TACR1: variants seen among roughly 807,000 people sequenced by gnomAD.
TACR1 encodes substance-P receptor.
Under a neutral mutation model 35.8 loss-of-function variants are expected in TACR1, and 25 were observed. The ratio of observed to expected loss-of-function variants is 0.70; its 90% CI spans 0.51 to 0.98. The LOEUF (loss-of-function observed/expected upper bound fraction) is 0.98, where lower values mean the gene tolerates loss of function less well. TACR1 is among the 50% of genes least tolerant of loss of function. TACR1 has a pLI of 0.00. For synonymous variants in TACR1, 195 were observed against 206.7 expected (o/e 0.94, Z 0.48); for missense variants, 478 against 522.9 (o/e 0.91, Z 0.84).
chr2:75,104,561 T>A (rs1185009928), intron 2 of TACR1, among the ~76,000 whole-genome samples: 1 of 151,974 alleles, frequency 6.6e-6, no homozygotes, highest in Admixed American at 6.6e-5. Context: ...TATGGCACAT[T>A]CCATCCAATA....
chr2:75,152,177 G>A (rs1558570991), intron 1 of TACR1, among the ~76,000 whole-genome samples: 1 of 152,176 alleles, frequency 6.6e-6, no homozygotes, highest in Non-Finnish European at 1.5e-5. Flanking sequence ...GACTTTGGGG[G>A]ACTGTTGGAA....
chr2:75,122,707 A>T (rs1321457088), intron 1 of TACR1, among the ~76,000 whole-genome samples: 2 of 152,224 alleles, frequency 1.3e-5, no homozygotes, highest in Non-Finnish European at 2.9e-5. Flanking sequence ...GGTTCTGTTG[A>T]TACTATAAAG....
At chr2:75,101,381 G>A (rs1369422556) in intron 2 of TACR1, among the ~76,000 whole-genome samples, 1 of 152,130 alleles carries the variant, frequency 6.6e-6, no homozygotes, top group Admixed American at 6.5e-5. Context: ...AATGATCACT[G>A]TGTACCAGAC....
At chr2:75,177,249 G>C (rs540771079) in intron 1 of TACR1, among the ~76,000 whole-genome samples, 1 of 151,756 alleles carries the variant, frequency 6.6e-6, no homozygotes, top group African/African-American at 2.4e-5. Context: ...ATTCCCTCTC[G>C]TTCGTTGGAC....
intron 2 of TACR1, among the ~76,000 whole-genome samples, chr2:75,092,677 A>G (rs369725777): frequency 3.9e-5 from 6 of 152,220 alleles, no homozygotes; most frequent in African/African-American, 1.4e-4. Flanking sequence ...GTCACTCTAC[A>G]CTGGTTGAGT....
intron 1 of TACR1, among the ~76,000 whole-genome samples, chr2:75,185,285 ATTAT>A (rs1175694998): frequency 6.6e-6 from 1 of 152,078 alleles, no homozygotes; most frequent in Non-Finnish European, 1.5e-5. Context: ...AGTAAATGAA[ATTAT>A]TTATGCATAT....
intron 1 of TACR1, among the ~76,000 whole-genome samples, chr2:75,157,012 C>T (rs528874140): frequency 2.0e-5 from 3 of 152,316 alleles, no homozygotes; most frequent in African/African-American, 7.2e-5. Context: ...GGGCTGGGTG[C>T]TCCATCCATT....
intron 1 of TACR1, among the ~76,000 whole-genome samples, chr2:75,177,065 C>T (rs533502106): frequency 6.6e-6 from 1 of 152,254 alleles, no homozygotes; most frequent in Admixed American, 6.5e-5. Flanking sequence ...GCTGTTCCTC[C>T]TCCACAGTCC....
At chr2:75,174,474 C>T (rs1675366073) in intron 1 of TACR1, among the ~76,000 whole-genome samples, 1 of 152,120 alleles carries the variant, frequency 6.6e-6, no homozygotes, top group Non-Finnish European at 1.5e-5. Context: ...CCTGGGTGGG[C>T]TGGAGTGGGA....
chr2:75,055,455 A>G (rs187993541), intron 2 of TACR1, among the ~76,000 whole-genome samples: 30 of 152,240 alleles, frequency 2.0e-4, no homozygotes, highest in Admixed American at 1.9e-3. Context: ...CAGGGACAGC[A>G]TATTGTGTTT....
At chr2:75,179,740 A>G (rs1405681050) in intron 1 of TACR1, among the ~76,000 whole-genome samples, 7 of 152,212 alleles carry the variant, frequency 4.6e-5, no homozygotes, top group Non-Finnish European at 7.3e-5. Context: ...TGTAGCAACC[A>G]AGGAGCTCAG....
intron 1 of TACR1, among the ~76,000 whole-genome samples, chr2:75,178,632 T>A (rs1675486370): frequency 6.6e-6 from 1 of 152,198 alleles, no homozygotes; most frequent in African/African-American, 2.4e-5. Flanking sequence ...CACATTCTTC[T>A]GTTAGCTCAC....
chr2:75,088,018 C>T lies in TACR1; in HGVS notation c.584+32556G>A, dbSNP rs191874336. Among the ~76,000 whole-genome samples the T allele has an allele frequency of 3.4e-3, 512 of 152,322 alleles. 3 individuals carry two copies. The highest frequency in any genetic ancestry group is 0.011 in the African/African-American group (478 of 41,572). On this transcript the variant is annotated intron_variant, in intron 2 of 4. Coordinates refer to ENST00000305249, the MANE Select transcript of TACR1 (RefSeq NM_001058.4). ...TTGTGGTGGAATGAACTTCCCTCAT[C>T]TGTAGTCCCCCCATGTCTCGGTCCT... is the stretch of plus-strand genomic sequence containing the variant.
intron 2 of TACR1, among the ~76,000 whole-genome samples, chr2:75,080,338 A>G (rs1341411396): frequency 6.6e-6 from 1 of 152,196 alleles, no homozygotes; most frequent in African/African-American, 2.4e-5. Flanking sequence ...ACACACATGC[A>G]CACACACATG....
chr2:75,188,610 T>G (rs3771860), intron 1 of TACR1: 31,915 of 152,004 alleles, frequency 0.21, 3,512 homozygotes, highest in Admixed American at 0.25. Context: ...AAAGTGGAAG[T>G]GAAGGTGAAG....
chr2:75,161,866 G>A (rs912784163), intron 1 of TACR1, among the ~76,000 whole-genome samples: 10 of 152,040 alleles, frequency 6.6e-5, no homozygotes, highest in African/African-American at 2.4e-4. Context: ...GTACAAATAT[G>A]GCTTATGGAT....
intron 1 of TACR1, among the ~76,000 whole-genome samples, chr2:75,153,689 C>T (rs1362168489): frequency 1.3e-5 from 2 of 152,198 alleles, no homozygotes; most frequent in African/African-American, 4.8e-5. Flanking sequence ...ATTCACCTGG[C>T]ACATTCCCTG....
At chr2:75,067,382 G>A (rs1447637224) in intron 2 of TACR1, among the ~76,000 whole-genome samples, 1 of 152,144 alleles carries the variant, frequency 6.6e-6, no homozygotes, top group African/African-American at 2.4e-5. Flanking sequence ...CATGGGAAGA[G>A]GAGGCTGCAT....
rs1278228800 is a variant in TACR1, at chr2:75,199,408, T to G, written c.-474A>C. 6.3e-6 allele frequency: 1 copy of G among 159,202 alleles called. No individual in the cohort carries two copies. Among genetic ancestry groups the G allele is most frequent in the African/African-American group, 2.4e-5 (1 of 41,554 alleles). 9.9% of individuals were successfully genotyped at this position (159,202 alleles called of 1,614,324 possible). A position where few individuals can be genotyped will look rare whatever the true frequency, so the allele number is the denominator to read the frequency against. On this transcript the variant is annotated 5_prime_UTR_variant, in exon 1 of 5. Coordinates refer to ENST00000305249, the MANE Select transcript of TACR1 (RefSeq NM_001058.4). ...GCGCGACCTGTAAAAGTTCTGAGCC[T>G]ATGGCCAGGATTCTGGAGCTTCGTA...
Sources: allele counts gnomAD v4.1 joint callset (sites outside exome capture counted in the v4.1 genomes callset), GRCh38; gene constraint gnomAD v4.1.1; transcripts MANE v1.5; gene names NCBI Gene and HGNC (gene_info 2026-07-23, HGNC 2026-07-21).